Variants in RANBP2 observed in about 807,000 individuals in gnomAD.
The protein encoded by RANBP2 is E3 SUMO-protein ligase RanBP2.
RANBP2 carries 57 observed loss-of-function variants against 303.6 expected under a neutral mutation model. That is an observed-to-expected ratio of 0.19 (90% confidence interval 0.15 to 0.23). RANBP2 has a LOEUF of 0.23. RANBP2 is among the 10% of genes least tolerant of loss of function. RANBP2 has a pLI of 1.00. For missense variants in RANBP2, 3,138 were observed against 3,780.8 expected, an observed-to-expected ratio of 0.83 and a Z score of 4.46; for synonymous variants, 1,167 against 1,301.5, an observed-to-expected ratio of 0.90 and a Z score of 2.23.
the RANBP2 span, among the ~76,000 whole-genome samples, chr2:108,911,985 G>A: frequency 6.6e-6 from 1 of 152,202 alleles, no homozygotes; most frequent in Non-Finnish European, 1.5e-5. Context: ...TACTCCCCCC[G>A]GGGCCTGTGC....
At chr2:108,813,026 G>C in the RANBP2 span, 1 of 881,722 alleles carries the variant, frequency 1.1e-6, no homozygotes, top group Non-Finnish European at 1.8e-6. Context: ...GAGATGGGCG[G>C]ATCACGATGT....
the RANBP2 span, among the ~76,000 whole-genome samples, chr2:108,922,624 G>A: frequency 1.3e-5 from 2 of 152,126 alleles, no homozygotes; most frequent in African/African-American, 2.4e-5. Flanking sequence ...GCCTTATGGA[G>A]AGCAAAGAGA....
At chr2:108,937,385 C>A in the RANBP2 span, among the ~76,000 whole-genome samples, 4 of 152,240 alleles carry the variant, frequency 2.6e-5, no homozygotes, top group Middle Eastern at 0.01. Flanking sequence ...TGTGTGCATA[C>A]ACGTGAGTGT....
the RANBP2 span, among the ~76,000 whole-genome samples, chr2:108,850,376 A>T: frequency 6.6e-6 from 1 of 152,184 alleles, no homozygotes; most frequent in African/African-American, 2.4e-5. Context: ...ATCTATGAAG[A>T]TAATACCTAG....
At chr2:108,956,074 G>A in the RANBP2 span, among the ~76,000 whole-genome samples, 14 of 152,132 alleles carry the variant, frequency 9.2e-5, no homozygotes, top group African/African-American at 2.9e-4. Context: ...AACACTGTTC[G>A]GGCTACTTGT....
At chr2:108,974,060 T>C in the RANBP2 span, among the ~76,000 whole-genome samples, 1 of 152,276 alleles carries the variant, frequency 6.6e-6, no homozygotes, top group South Asian at 2.1e-4. Flanking sequence ...TCAGGCGCGG[T>C]GGCTCACGCC....
rs142525073 is a variant in RANBP2, at chr2:108,735,497, T to TA, written c.406-34dup. On this transcript the variant is annotated intron_variant, in intron 4 of 28. Transcript: ENST00000283195. ...GACTTGTTTAAAATTGCACAAGTGTTACTCTAATAATTTTTCTTTTTCCCC... is the reference window on the plus strand; with the variant it reads ...GACTTGTTTAAAATTGCACAAGTGTTAACTCTAATAATTTTTCTTTTTCCCC... 4.4e-3 allele frequency: 6,983 copies of TA among 1,597,464 alleles called. 270 individuals carry two copies. The African/African-American group carries it at 0.084, about 19-fold the overall frequency.
chr2:109,732,717 C>A, the RANBP2 span: 1 of 623,922 alleles, frequency 1.6e-6, no homozygotes, highest in South Asian at 1.4e-5. Context: ...ATCCGCCCGC[C>A]TTGGTTTATG....
intron 1 of RANBP2, among the ~76,000 whole-genome samples, chr2:108,728,827 C>A (rs142732264): frequency 6.6e-6 from 1 of 151,982 alleles, no homozygotes; most frequent in African/African-American, 2.4e-5. Context: ...GTATTTTTGT[C>A]AAGACGGGGT....
At chr2:108,908,678 C>T in the RANBP2 span, among the ~76,000 whole-genome samples, 1 of 152,214 alleles carries the variant, frequency 6.6e-6, no homozygotes, top group Non-Finnish European at 1.5e-5. Flanking sequence ...GCCCTAGGCA[C>T]ATGTGGGTTG....
the RANBP2 span, among the ~76,000 whole-genome samples, chr2:109,641,185 C>G: frequency 0.57 from 87,110 of 151,812 alleles, 25,449 homozygotes; most frequent in Middle Eastern, 0.67. Context: ...GTTGCCCAGG[C>G]TGGAGTGCAG....
chr2:109,533,325 A>ACGT, the RANBP2 span, among the ~76,000 whole-genome samples: 3 of 152,220 alleles, frequency 2.0e-5, no homozygotes, highest in African/African-American at 7.2e-5. Flanking sequence ...GAACAGCAGG[A>ACGT]CGTCTGTTTA....
chr2:108,980,093 T>C, the RANBP2 span, among the ~76,000 whole-genome samples: 1 of 30,046 alleles, frequency 3.3e-5, no homozygotes, highest in Non-Finnish European at 6.1e-5. Context: ...AAATGAATGG[T>C]GTGGGGTGGG....
the RANBP2 span, among the ~76,000 whole-genome samples, chr2:108,932,733 G>C: frequency 8.6e-5 from 13 of 151,940 alleles, no homozygotes; most frequent in African/African-American, 3.1e-4. Context: ...GAAAGAGAAT[G>C]GTCCTTTAGG....
At chr2:109,262,355 CT>C in the RANBP2 span, among the ~76,000 whole-genome samples, 1 of 152,248 alleles carries the variant, frequency 6.6e-6, no homozygotes, top group East Asian at 1.9e-4. Context: ...TTCACTGTAC[CT>C]GGGGGCAGCC....
chr2:109,422,097 G>T, the RANBP2 span, among the ~76,000 whole-genome samples: 1 of 152,106 alleles, frequency 6.6e-6, no homozygotes, highest in Non-Finnish European at 1.5e-5. Context: ...CCGGGGTGGG[G>T]GTCTGATCTA....
At chr2:109,389,446 C>T in the RANBP2 span, among the ~76,000 whole-genome samples, 1 of 152,206 alleles carries the variant, frequency 6.6e-6, no homozygotes, top group Non-Finnish European at 1.5e-5. Context: ...AGTGTGTGAG[C>T]CTAGAGAAAT....
intron 1 of RANBP2, among the ~76,000 whole-genome samples, chr2:108,728,453 C>T (rs1694905286): frequency 6.6e-6 from 1 of 152,094 alleles, no homozygotes; most frequent in South Asian, 2.1e-4. Flanking sequence ...TCCACTATGC[C>T]TGGCTATTTT....
chr2:108,763,586 G>T lies in RANBP2; in HGVS notation c.3047G>T (p.Arg1016Met). 6.2e-7 allele frequency: 1 copy of T among 1,614,076 alleles called. No homozygotes were observed. Among genetic ancestry groups the T allele is most frequent in the Non-Finnish European group, 8.5e-7 (1 of 1,180,012 alleles). Residue 1016 changes from arginine (R) to methionine (M), a missense_variant, in exon 20 of 29, where the codon AGG (arginine) becomes ATG (methionine). Coordinates refer to ENST00000283195, the MANE Select transcript of RANBP2 (RefSeq NM_006267.5). ...CAGCCCATGCCGGGTGAAGGATTAA[G>T]GCCATCTTTGCCAACACAAGCACAC... ...FVQPMPGEGLRPSLPTQAHTT... is the reference protein window; with the variant it reads ...FVQPMPGEGLMPSLPTQAHTT...
Sources: allele counts gnomAD v4.1 joint callset (sites outside exome capture counted in the v4.1 genomes callset), GRCh38; gene constraint gnomAD v4.1.1; transcripts MANE v1.5; gene names NCBI Gene and HGNC (gene_info 2026-07-23, HGNC 2026-07-21).